COL27A1: variants seen among roughly 807,000 people sequenced by gnomAD.
COL27A1 encodes collagen type XXVII alpha 1 chain.
A neutral mutation model predicts 251.3 loss-of-function variants in COL27A1; 106 were observed. The ratio of observed to expected loss-of-function variants is 0.42; its 90% CI spans 0.36 to 0.50. COL27A1 has a LOEUF of 0.50. Among genes scored for constraint, COL27A1 ranks in the 20% least tolerant of loss-of-function variants. The probability of loss-of-function intolerance (pLI) is 0.00; values close to 1 mark genes in which losing one functional copy is unlikely to be tolerated. For missense variants in COL27A1, 2,325 were observed against 2,522.8 expected (o/e 0.92, Z 1.68); for synonymous variants, 1,000 against 986.3 (o/e 1.01, Z -0.26).
At chr9:114,221,548 G>C (rs1021022566) in intron 13 of COL27A1, among the ~76,000 whole-genome samples, 5 of 152,102 alleles carry the variant, frequency 3.3e-5, no homozygotes, top group African/African-American at 1.2e-4. Context: ...TTTCCATTTT[G>C]AACTTGACTC....
At chr9:114,247,632 C>T (rs534266361) in intron 24 of COL27A1, among the ~76,000 whole-genome samples, 14 of 152,306 alleles carry the variant, frequency 9.2e-5, no homozygotes, top group Non-Finnish European at 1.3e-4. Flanking sequence ...ATTTGGTCAG[C>T]AGAACACCCG....
chr9:114,296,929 T>A (rs2131645860), intron 49 of COL27A1, among the ~76,000 whole-genome samples: 1 of 152,346 alleles, frequency 6.6e-6, no homozygotes, highest in Admixed American at 6.5e-5. Context: ...ATAATTAGGC[T>A]GAGTGAAAGA....
In COL27A1 at chr9:114,254,121, G is replaced by T. The variant is rs186664832; in HGVS notation, c.3141+1189G>T. On this transcript the variant is annotated intron_variant, in intron 27 of 60. Coordinates refer to ENST00000356083, the MANE Select transcript of COL27A1 (RefSeq NM_032888.4). ...TCCTTTGGAGCATGTAGTCTGGTAT[G>T]GGGGGGCAGGGTAGATAGAACCCAG... Among the ~76,000 whole-genome samples the T allele has an allele frequency of 4.2e-4, 64 of 152,052 alleles. 1 individual carries two copies. The East Asian group carries it at 0.012, about 28-fold the overall frequency.
At position 114,242,193 on chromosome 9, in the gene COL27A1, G is replaced by A. The variant is rs778261620; in HGVS notation, c.2842G>A (p.Glu948Lys). 6.2e-7 allele frequency: 1 copy of A among 1,606,754 alleles called. No homozygotes were observed. Among genetic ancestry groups the A allele is most frequent in the South Asian group, 1.1e-5 (1 of 89,972 alleles). The change falls in exon 22 of 61, where the codon GAG becomes AAG. Residue 948 changes from glutamate to lysine, a missense_variant. By Grantham distance (56) the Glu-to-Lys change is moderately conservative. Transcript: ENST00000356083. ...TCGTGTCTCCCAATTCTAGGGAGAT[G>A]AGGGACCCATGGGGCCGCCAGGGGC... ...PRGQLGPEGD[E>K]GPMGPPGAPG...
chr9:114,216,840 A>T (rs1453784513), intron 12 of COL27A1, among the ~76,000 whole-genome samples: 5 of 152,118 alleles, frequency 3.3e-5, no homozygotes, highest in African/African-American at 7.2e-5. Flanking sequence ...AGTCCTCAGC[A>T]TCAATCATGC....
chr9:114,166,394 T>C (rs112377162), intron 2 of COL27A1, among the ~76,000 whole-genome samples: 6 of 149,724 alleles, frequency 4.0e-5, no homozygotes, highest in East Asian at 2.0e-4. Flanking sequence ...CATCCATCCA[T>C]CCACCCACCC....
intron 24 of COL27A1, among the ~76,000 whole-genome samples, chr9:114,249,005 C>T (rs1156796035): frequency 6.6e-6 from 1 of 152,082 alleles, no homozygotes; most frequent in East Asian, 1.9e-4. Flanking sequence ...TATGAAGTAC[C>T]TCTACGCATC....
At position 114,243,571 on chromosome 9, in the gene COL27A1, C is replaced by T. The variant is rs755205325; in HGVS notation, c.2934+11C>T. On this transcript the variant is annotated intron_variant, in intron 23 of 60. Coordinates refer to ENST00000356083, the MANE Select transcript of COL27A1 (RefSeq NM_032888.4). Reference sequence around the variant, plus strand: ...CTGGATGGCGTGAAGGTGAGGGGACCTGGAGATCCCTGGGGACAAGAGGAA... The same window carrying T: ...CTGGATGGCGTGAAGGTGAGGGGACTTGGAGATCCCTGGGGACAAGAGGAA... 2 of 1,609,534 alleles carry T rather than the reference C, an allele frequency of 1.2e-6. No individual in the cohort carries two copies. Among genetic ancestry groups the T allele is most frequent in the Non-Finnish European group, 1.7e-6 (2 of 1,176,422 alleles).
chr9:114,245,492 C>T (rs1477594812), intron 23 of COL27A1, among the ~76,000 whole-genome samples: 1 of 152,150 alleles, frequency 6.6e-6, no homozygotes, highest in Non-Finnish European at 1.5e-5. Flanking sequence ...ACCAAGGTTT[C>T]GGTTCTAGCC....
At chr9:114,266,537 A>G in intron 32 of COL27A1, 28 bp from the exon 33 acceptor site, 1 of 1,610,272 alleles carries the variant, frequency 6.2e-7, no homozygotes, top group Non-Finnish European at 8.5e-7. Flanking sequence ...ACCTCTCCCA[A>G]CTGTCTGTGT....
chr9:114,160,560 C>T (rs936134533), intron 1 of COL27A1, among the ~76,000 whole-genome samples: 3 of 151,400 alleles, frequency 2.0e-5, no homozygotes, highest in East Asian at 1.9e-4. Context: ...AATATAAGCC[C>T]GGCATGGTGG....
chr9:114,310,300 A>C (rs1258212092), intron 60 of COL27A1, among the ~76,000 whole-genome samples: 1 of 152,222 alleles, frequency 6.6e-6, no homozygotes, highest in African/African-American at 2.4e-5. Flanking sequence ...AATCTAGAAC[A>C]ATCCTTCTAG....
At chr9:114,216,728 A>G (rs989821555) in intron 12 of COL27A1, among the ~76,000 whole-genome samples, 1 of 152,094 alleles carries the variant, frequency 6.6e-6, no homozygotes, top group Non-Finnish European at 1.5e-5. Context: ...TACAAACCCT[A>G]GATTCCTAGA....
chr9:114,305,575 C>T (rs1828979716), intron 57 of COL27A1, among the ~76,000 whole-genome samples: 1 of 152,194 alleles, frequency 6.6e-6, no homozygotes, highest in Admixed American at 6.5e-5. Flanking sequence ...AGTTAATTGG[C>T]TTGTTGATGA....
rs971146026 is a variant in COL27A1 at position 114,262,700 on chromosome 9, C to T, written c.3196-1655C>T. Among the ~76,000 whole-genome samples the T allele has an allele frequency of 3.3e-5, 5 of 152,232 alleles. No homozygotes were observed. The East Asian group carries it at 5.8e-4, about 18-fold the overall frequency. On this transcript the variant is annotated intron_variant, in intron 28 of 60. Transcript: ENST00000356083. ...CCCCAGACACATTTCCTGAGCAGCCCGGTGCCTAGGGCTGGACCCCACAAT... is the reference window on the plus strand; with the variant it reads ...CCCCAGACACATTTCCTGAGCAGCCTGGTGCCTAGGGCTGGACCCCACAAT...
intron 8 of COL27A1, 94 bp from the exon 9 acceptor site, chr9:114,205,665 T>G: frequency 1.8e-6 from 2 of 1,125,224 alleles, no homozygotes; most frequent in Non-Finnish European, 2.7e-6. Context: ...GCCCCTCTCT[T>G]TATTCATTGT....
chr9:114,240,384 G>C, intron 20 of COL27A1, 50 bp from the exon 21 acceptor site: 1 of 1,603,732 alleles, frequency 6.2e-7, no homozygotes. Flanking sequence ...GCCTGCGATG[G>C]AGATGGAGGT....
intron 14 of COL27A1, among the ~76,000 whole-genome samples, chr9:114,227,077 C>T (rs925022896): frequency 7.2e-5 from 11 of 152,022 alleles, no homozygotes; most frequent in Admixed American, 1.3e-4. Flanking sequence ...GAGCCAGGGT[C>T]GGGGAGATAT....
chr9:114,299,945 C>A, intron 49 of COL27A1, 125 bp from the exon 50 acceptor site: 1 of 851,098 alleles, frequency 1.2e-6, no homozygotes, highest in Non-Finnish European at 2.0e-6. Context: ...GGTCGCTTCA[C>A]AGAGGAGTCA....
Sources: allele counts gnomAD v4.1 joint callset (sites outside exome capture counted in the v4.1 genomes callset), GRCh38; gene constraint gnomAD v4.1.1; transcripts MANE v1.5; gene names NCBI Gene and HGNC (gene_info 2026-07-23, HGNC 2026-07-21).